Variants in CCDC13 observed in about 807,000 individuals in gnomAD.
CCDC13 encodes coiled-coil domain-containing protein 13.
CCDC13 carries 70 observed loss-of-function variants against 87.3 expected under a neutral mutation model. The observed-to-expected ratio is 0.80, with a 90% CI of 0.66 to 0.98. The LOEUF is 0.98. Ranked by LOEUF, CCDC13 falls within the 50% of genes least tolerant of loss-of-function variation. CCDC13 has a pLI of 0.00. For missense variants in CCDC13, 842 were observed against 892.0 expected (o/e 0.94, Z 0.71); for synonymous variants, 317 against 360.3 (o/e 0.88, Z 1.36).
At chr3:42,746,360 C>A (rs1394937000) in intron 6 of CCDC13, 3 of 281,126 alleles carry the variant, frequency 1.1e-5, no homozygotes, top group Non-Finnish European at 2.1e-5. Context: ...ACCCACTCAC[C>A]TGTCACCTAG....
At position 42,708,086 on chromosome 3, in the gene CCDC13, C is replaced by A. The variant is rs1008227414; in HGVS notation, c.*894G>T. 6.6e-6 allele frequency among the ~76,000 whole-genome samples: 1 copy of A among 152,168 alleles called. No homozygotes were observed. ...TGCCTGAAGCTCCAGCTGAGCCCCACCTCGGCCCTCTGCCACCAGCATCCA... is the reference window on the plus strand; with the variant it reads ...TGCCTGAAGCTCCAGCTGAGCCCCAACTCGGCCCTCTGCCACCAGCATCCA... On this transcript the variant is annotated 3_prime_UTR_variant, in exon 16 of 16. Coordinates refer to ENST00000310232, the MANE Select transcript of CCDC13 (RefSeq NM_144719.4).
chr3:42,770,070 C>T (rs1462330522), intron 1 of CCDC13, among the ~76,000 whole-genome samples: 3 of 152,368 alleles, frequency 2.0e-5, no homozygotes, highest in East Asian at 1.9e-4. Context: ...CGGGACTGGC[C>T]GGCACCTCCG....
At chr3:42,732,033 G>C (rs1209324448) in intron 12 of CCDC13, among the ~76,000 whole-genome samples, 1 of 152,152 alleles carries the variant, frequency 6.6e-6, no homozygotes, top group Non-Finnish European at 1.5e-5. Context: ...TCTTTACTGT[G>C]ACTAAAACCT....
In CCDC13 at chr3:42,759,307, C is replaced by CA. The variant is rs36014297; in HGVS notation, c.-6-957dup. 9.1e-3 allele frequency among the ~76,000 whole-genome samples: 1,149 copies of CA among 126,664 alleles called. 6 individuals are homozygous for CA. The highest frequency in any genetic ancestry group is 0.025 in the African/African-American group (852 of 34,522). 83.1% of individuals were successfully genotyped at this position (126,664 alleles called of 152,430 possible). On this transcript the variant is annotated intron_variant, in intron 1 of 15. Transcript: ENST00000310232. ...GTGAGTAACAGTGAGACCCTGTCTC[C>CA]AAAAAAAAAAAAAACACAAATTTTA...
intron 3 of CCDC13, among the ~76,000 whole-genome samples, chr3:42,754,192 G>A (rs1699654396): frequency 1.3e-5 from 2 of 152,196 alleles, no homozygotes; most frequent in African/African-American, 4.8e-5. Flanking sequence ...CTGGTGGAAA[G>A]CAAACAGGCA....
At position 42,739,618 on chromosome 3, in the gene CCDC13, A is replaced by T. The variant is rs758937621; in HGVS notation, c.1164+16T>A. On this transcript the variant is annotated intron_variant, in intron 9 of 15. Coordinates refer to ENST00000310232, the MANE Select transcript of CCDC13 (RefSeq NM_144719.4). ...CCACCCCTGGCTCTCGCCCTGCCTG[A>T]GTGGTGGGGCCATACCATGAGGGCG... The T allele has an allele frequency of 6.2e-7, 1 of 1,609,562 alleles. No individual in the cohort carries two copies. The highest frequency in any genetic ancestry group is 8.5e-7 in the Non-Finnish European group (1 of 1,177,696).
chr3:42,710,960 C>A (rs1360878789), intron 14 of CCDC13, among the ~76,000 whole-genome samples: 1 of 151,962 alleles, frequency 6.6e-6, no homozygotes, highest in African/African-American at 2.4e-5. Context: ...TCAAAAAGAG[C>A]CTCAGCCGGG....
At chr3:42,715,596 A>T (rs1438597117) in intron 13 of CCDC13, among the ~76,000 whole-genome samples, 1 of 152,188 alleles carries the variant, frequency 6.6e-6, no homozygotes, top group East Asian at 1.9e-4. Flanking sequence ...TGGGCAACAG[A>T]GCGAGGCTCT....
chr3:42,732,748 C>T (rs1406542495), intron 12 of CCDC13, 139 bp downstream of exon 12: 7 of 705,204 alleles, frequency 9.9e-6, no homozygotes, highest in East Asian at 8.2e-5. Context: ...CCTGATCCTC[C>T]CTGTCTTTAT....
chr3:42,721,482 T>C (rs1320819395), intron 13 of CCDC13, among the ~76,000 whole-genome samples: 2 of 152,244 alleles, frequency 1.3e-5, no homozygotes, highest in East Asian at 3.8e-4. Context: ...AAGTAATCTT[T>C]TTAATTTTGT....
chr3:42,764,876 A>C (rs1293746073), intron 1 of CCDC13, among the ~76,000 whole-genome samples: 1 of 152,198 alleles, frequency 6.6e-6, no homozygotes, highest in African/African-American at 2.4e-5. Context: ...TATTTTATTT[A>C]CATTACTTCC....
At chr3:42,748,076 CTTTT>C (rs200249855) in intron 5 of CCDC13, among the ~76,000 whole-genome samples, 1 of 146,482 alleles carries the variant, frequency 6.8e-6, no homozygotes, top group East Asian at 2.0e-4. Flanking sequence ...TTAGCAATGT[CTTTT>C]TTTTTTTTAA....
At chr3:42,728,638 G>A (rs1698747509) in intron 13 of CCDC13, among the ~76,000 whole-genome samples, 1 of 152,116 alleles carries the variant, frequency 6.6e-6, no homozygotes, top group South Asian at 2.1e-4. Flanking sequence ...AAAACATTTA[G>A]TTTTAAACCA....
At position 42,746,097 on chromosome 3, in the gene CCDC13, T is replaced by G. The variant is rs114364089; in HGVS notation, c.721-70A>C. 4,866 of 1,097,940 alleles carry G rather than the reference T, an allele frequency of 4.4e-3. 132 individuals carry two copies. In the African/African-American group the frequency reaches 0.063, roughly 14 times the overall value. 68.0% of individuals were successfully genotyped at this position (1,097,940 alleles called of 1,614,324 possible). A position where few individuals can be genotyped will look rare whatever the true frequency, so the allele number is the denominator to read the frequency against. On this transcript the variant is annotated intron_variant, in intron 6 of 15. Transcript: ENST00000310232. The stretch of plus-strand genomic sequence containing the variant: ...CACCAGACCCTGATGCTGCTACGTA[T>G]TTAGAAGCATATTCAGAAGCAGTCT...
rs539182000 is a variant in CCDC13 at position 42,771,159 on chromosome 3, C to G, written c.-7+2017G>C. On this transcript the variant is annotated intron_variant, in intron 1 of 15. Coordinates refer to ENST00000310232, the MANE Select transcript of CCDC13 (RefSeq NM_144719.4). Reference sequence around the variant, plus strand: ...AATGAGCTATCACGCCACGAAAAGACATGAAAGAAACCTAAATGTGTATTG... The same window carrying G: ...AATGAGCTATCACGCCACGAAAAGAGATGAAAGAAACCTAAATGTGTATTG... 25 of 152,262 alleles carry G rather than the reference C, an allele frequency of 1.6e-4. No individual in the cohort carries two copies. The East Asian group carries it at 4.6e-3, about 28-fold the overall frequency. The allele number at this position is 152,262 out of a possible 1,614,324, so 9.4% of individuals were successfully genotyped here.
intron 13 of CCDC13, among the ~76,000 whole-genome samples, chr3:42,720,046 A>T (rs1698524446): frequency 6.6e-6 from 1 of 152,250 alleles, no homozygotes; most frequent in South Asian, 2.1e-4. Context: ...TACATTTACT[A>T]AATTCTTTAA....
At chr3:42,755,103 T>C (rs1434709792) in intron 3 of CCDC13, among the ~76,000 whole-genome samples, 2 of 152,210 alleles carry the variant, frequency 1.3e-5, no homozygotes, top group African/African-American at 4.8e-5. Context: ...ACCTGAATGG[T>C]GGTAAAGTTT....
intron 2 of CCDC13, among the ~76,000 whole-genome samples, chr3:42,757,475 C>G (rs1179731204): frequency 6.6e-6 from 1 of 152,184 alleles, no homozygotes; most frequent in Non-Finnish European, 1.5e-5. Context: ...GCTCATGCCT[C>G]TAATCCCAGC....
At chr3:42,740,285 A>G (rs1699171847) in intron 8 of CCDC13, among the ~76,000 whole-genome samples, 1 of 152,166 alleles carries the variant, frequency 6.6e-6, no homozygotes, top group Admixed American at 6.5e-5. Flanking sequence ...CACTTCCTCC[A>G]TGATTATTTG....
Sources: allele counts gnomAD v4.1 joint callset (sites outside exome capture counted in the v4.1 genomes callset), GRCh38; gene constraint gnomAD v4.1.1; transcripts MANE v1.5; gene names NCBI Gene and HGNC (gene_info 2026-07-23, HGNC 2026-07-21).